The following MRTFB variants were observed in gnomAD, a reference collection of about 807,000 sequenced individuals.
MRTFB encodes myocardin-related transcription factor B.
Under a neutral mutation model 104.2 loss-of-function variants are expected in MRTFB, and 29 were observed. That is an observed-to-expected ratio of 0.28 (90% CI 0.21 to 0.38). The LOEUF (loss-of-function observed/expected upper bound fraction) is 0.38. Among genes scored for constraint, MRTFB ranks in the 10% least tolerant of loss-of-function variants. MRTFB has a pLI of 1.00. For synonymous variants in MRTFB, 535 were observed against 519.5 expected, an observed-to-expected ratio of 1.03 and a Z score of -0.41; for missense variants, 1,270 against 1,341.6, an observed-to-expected ratio of 0.95 and a Z score of 0.83.
At chr16:14,189,213 T>G (rs1189395836) in intron 3 of MRTFB, among the ~76,000 whole-genome samples, 1 of 152,184 alleles carries the variant, frequency 6.6e-6, no homozygotes, top group Non-Finnish European at 1.5e-5. Flanking sequence ...AAAGGCACTT[T>G]TAAAATTTGG....
chr16:14,146,468 T>C (rs990750044), intron 3 of MRTFB, among the ~76,000 whole-genome samples: 1 of 152,258 alleles, frequency 6.6e-6, no homozygotes. Context: ...TAACTTTAGA[T>C]AATCTCTTTT....
At chr16:14,107,034 A>C (rs1310357875) in intron 2 of MRTFB, among the ~76,000 whole-genome samples, 2 of 152,232 alleles carry the variant, frequency 1.3e-5, no homozygotes, top group Non-Finnish European at 2.9e-5. Flanking sequence ...TAGAAATGGC[A>C]GTTAAAACCA....
chr16:14,189,640 T>G (rs552634463), intron 3 of MRTFB, among the ~76,000 whole-genome samples: 64 of 152,330 alleles, frequency 4.2e-4, no homozygotes, highest in African/African-American at 1.3e-3. Context: ...TTTGGAAAAC[T>G]TGTTTTTGGG....
At chr16:14,098,745 G>A (rs1313067651) in intron 2 of MRTFB, among the ~76,000 whole-genome samples, 2 of 152,148 alleles carry the variant, frequency 1.3e-5, no homozygotes, top group East Asian at 1.9e-4. Flanking sequence ...GGCCCATTTA[G>A]ATTTAGTTGT....
chr16:14,123,307 T>G (rs1220827351), intron 2 of MRTFB, among the ~76,000 whole-genome samples: 5 of 152,290 alleles, frequency 3.3e-5, no homozygotes, highest in Admixed American at 1.3e-4. Flanking sequence ...TAGATGCCAT[T>G]GGCTTTTGTT....
chr16:14,048,780 C>T, the MRTFB span, among the ~76,000 whole-genome samples: 2 of 152,292 alleles, frequency 1.3e-5, no homozygotes, highest in East Asian at 3.9e-4. Flanking sequence ...ACCTTTTCTG[C>T]CTCTTGTACA....
the MRTFB span, among the ~76,000 whole-genome samples, chr16:14,047,280 T>C: frequency 6.6e-6 from 1 of 152,148 alleles, no homozygotes; most frequent in Non-Finnish European, 1.5e-5. Context: ...GGCTCAAGGA[T>C]CTTCATGTGT....
intron 3 of MRTFB, among the ~76,000 whole-genome samples, chr16:14,185,975 A>G (rs2039938902): frequency 6.6e-6 from 1 of 152,196 alleles, no homozygotes; most frequent in Admixed American, 6.5e-5. Context: ...CTCATGTAAA[A>G]TTAAACTTAG....
At chr16:14,069,536 A>C (rs2033574713), upstream of MRTFB, among the ~76,000 whole-genome samples, 1 of 152,148 alleles carries the variant, frequency 6.6e-6, no homozygotes, top group African/African-American at 2.4e-5. Context: ...TCCAGACTGG[A>C]GGGCAGTGGC....
At chr16:14,040,536 C>T in the MRTFB span, among the ~76,000 whole-genome samples, 1 of 150,730 alleles carries the variant, frequency 6.6e-6, no homozygotes, top group Non-Finnish European at 1.5e-5. Flanking sequence ...AATCTCAGCT[C>T]ACTCCAACCT....
the MRTFB span, among the ~76,000 whole-genome samples, chr16:14,060,213 GC>G: frequency 6.6e-6 from 1 of 151,718 alleles, no homozygotes; most frequent in Non-Finnish European, 1.5e-5. Context: ...CACCATGTTG[GC>G]CAGGCTGGTC....
intron 2 of MRTFB, among the ~76,000 whole-genome samples, chr16:14,079,869 T>C (rs535890714): frequency 6.6e-6 from 1 of 152,146 alleles, no homozygotes; most frequent in Non-Finnish European, 1.5e-5. Flanking sequence ...TTGGTGAACA[T>C]ACTTTTAGAA....
At chr16:14,026,556 A>G in the MRTFB span, among the ~76,000 whole-genome samples, 1 of 152,248 alleles carries the variant, frequency 6.6e-6, no homozygotes, top group African/African-American at 2.4e-5. Flanking sequence ...TTTGGACTTT[A>G]TCAAAACTTA....
intron 6 of MRTFB, chr16:14,215,002 C>T (rs1009736474): frequency 3.9e-5 from 6 of 152,188 alleles, no homozygotes; most frequent in African/African-American, 1.4e-4. Flanking sequence ...ATAAGTGAAT[C>T]TTCAAAGAAG....
chr16:14,017,711 ATTTT>A, the MRTFB span, among the ~76,000 whole-genome samples: 126 of 33,588 alleles, frequency 3.8e-3, 8 homozygotes, highest in African/African-American at 0.014. Context: ...ATATATATAT[ATTTT>A]TTTTTTTTTT....
At chr16:14,079,265 G>C (rs2034255350) in intron 1 of MRTFB, 25 bp from the exon 2 acceptor site, 1 of 346,316 alleles carries the variant, frequency 2.9e-6, no homozygotes, top group African/African-American at 2.1e-5. Context: ...TCAATAAAAA[G>C]TAATTTCTGC....
the MRTFB span, chr16:14,018,952 ACTGATCAT>A: frequency 6.6e-6 from 1 of 152,154 alleles, no homozygotes; most frequent in Non-Finnish European, 1.5e-5. Flanking sequence ...CTGCACAGTT[ACTGATCAT>A]TGGCTATTCC....
chr16:14,166,515 G>C (rs2039247965), intron 3 of MRTFB, among the ~76,000 whole-genome samples: 1 of 152,120 alleles, frequency 6.6e-6, no homozygotes, highest in African/African-American at 2.4e-5. Flanking sequence ...GTTGTTGTTT[G>C]CTTAAGTTCC....
chr16:14,010,882 C>T, the MRTFB span, among the ~76,000 whole-genome samples: 3 of 152,164 alleles, frequency 2.0e-5, no homozygotes, highest in African/African-American at 7.2e-5. Context: ...TAGTGGTTAC[C>T]GTATTGGATA....
Sources: allele counts gnomAD v4.1 joint callset (sites outside exome capture counted in the v4.1 genomes callset), GRCh38; gene constraint gnomAD v4.1.1; transcripts MANE v1.5; gene names NCBI Gene and HGNC (gene_info 2026-07-23, HGNC 2026-07-21).